The following GLIS3 variants were observed in gnomAD, a reference collection of about 807,000 sequenced individuals.
The protein encoded by GLIS3 is GLIS family zinc finger 3, also known as zinc finger protein GLIS3.
In GLIS3, 53 loss-of-function variants were observed where a neutral mutation model predicts 78.6. That is an observed-to-expected ratio of 0.67 (90% CI 0.54 to 0.85). The LOEUF is 0.85. GLIS3 is among the 40% of genes least tolerant of loss of function. The pLI, the probability that GLIS3 is intolerant of heterozygous loss-of-function variation, is 0.00. For missense variants in GLIS3, 1,703 were observed against 1,231.1 expected, an observed-to-expected ratio of 1.38 and a Z score of -5.74; for synonymous variants, 684 against 509.9, an observed-to-expected ratio of 1.34 and a Z score of -4.60.
chr9:4,455,867 C>G, the GLIS3 span, among the ~76,000 whole-genome samples: 1 of 152,030 alleles, frequency 6.6e-6, no homozygotes, highest in Admixed American at 6.6e-5. Flanking sequence ...AATCCTCACA[C>G]TTTGGAAGAC....
chr9:4,105,796 T>G (rs1476507173), intron 4 of GLIS3, among the ~76,000 whole-genome samples: 1 of 152,088 alleles, frequency 6.6e-6, no homozygotes, highest in African/African-American at 2.4e-5. Context: ...AAAGCCTCAT[T>G]CTATGGGCAC....
chr9:3,926,640 T>C (rs762484734), intron 6 of GLIS3, among the ~76,000 whole-genome samples: 7 of 151,994 alleles, frequency 4.6e-5, no homozygotes, highest in Admixed American at 6.6e-5. Context: ...TTCTTTCTTT[T>C]GTCTTCTCAC....
chr9:4,283,282 T>TC (rs1827719273), intron 2 of GLIS3, among the ~76,000 whole-genome samples: 1 of 144,626 alleles, frequency 6.9e-6, no homozygotes, highest in Non-Finnish European at 1.5e-5. Flanking sequence ...TTTTTTTTTT[T>TC]TGAGATAGAG....
intron 4 of GLIS3, among the ~76,000 whole-genome samples, chr9:4,008,822 C>T (rs774158003): frequency 9.9e-5 from 15 of 152,220 alleles, no homozygotes; most frequent in Non-Finnish European, 5.9e-5. Flanking sequence ...TCTGTTCCAA[C>T]ATCCACCTTT....
At chr9:3,858,849 G>A (rs1228704406) in intron 8 of GLIS3, among the ~76,000 whole-genome samples, 1 of 152,176 alleles carries the variant, frequency 6.6e-6, no homozygotes, top group Non-Finnish European at 1.5e-5. Context: ...TAAGAAGTAA[G>A]TGTATATATA....
At chr9:3,931,191 CCT>C (rs1467446713) in intron 6 of GLIS3, among the ~76,000 whole-genome samples, 2 of 152,046 alleles carry the variant, frequency 1.3e-5, no homozygotes, top group African/African-American at 2.4e-5. Context: ...ATCAAATCCC[CCT>C]GACTGAGCAT....
the GLIS3 span, among the ~76,000 whole-genome samples, chr9:4,489,197 G>A: frequency 6.6e-6 from 1 of 151,976 alleles, no homozygotes; most frequent in South Asian, 2.1e-4. Flanking sequence ...GATCTTCCTC[G>A]GACACCCAAC....
intron 8 of GLIS3, among the ~76,000 whole-genome samples, chr9:3,865,905 C>T (rs1199961628): frequency 6.6e-6 from 1 of 152,110 alleles, no homozygotes; most frequent in Non-Finnish European, 1.5e-5. Flanking sequence ...AAAAATAAAA[C>T]ACAGGTGGAT....
chr9:4,457,487 T>C, the GLIS3 span, among the ~76,000 whole-genome samples: 9 of 152,242 alleles, frequency 5.9e-5, no homozygotes, highest in South Asian at 1.9e-3. Flanking sequence ...TAACACCCTC[T>C]GTGGACTTGT....
At chr9:4,284,528 C>T (rs4272441) in intron 2 of GLIS3, among the ~76,000 whole-genome samples, 151,810 of 152,146 alleles carry the variant, frequency 1, 75,740 homozygotes, top group Middle Eastern at 1. Context: ...GGGAAACTTT[C>T]TCCTATACTT....
chr9:4,040,833 T>G (rs554187456), intron 4 of GLIS3, among the ~76,000 whole-genome samples: 18 of 152,258 alleles, frequency 1.2e-4, no homozygotes, highest in Admixed American at 1.0e-3. Context: ...GTTCTTTAGG[T>G]AAGAGTTGAA....
the GLIS3 span, among the ~76,000 whole-genome samples, chr9:4,416,812 GTTT>G: frequency 2.1e-5 from 2 of 95,804 alleles, no homozygotes; most frequent in Admixed American, 1.3e-4. Flanking sequence ...CCCATAGTCA[GTTT>G]TTTTTTTTTT....
At chr9:3,887,211 G>C (rs1049052193) in intron 7 of GLIS3, among the ~76,000 whole-genome samples, 4 of 152,066 alleles carry the variant, frequency 2.6e-5, no homozygotes, top group African/African-American at 9.7e-5. Flanking sequence ...TTCTCAACTG[G>C]ATCGGGTGGC....
chr9:4,113,108 T>C (rs1831358799), intron 4 of GLIS3, among the ~76,000 whole-genome samples: 1 of 152,078 alleles, frequency 6.6e-6, no homozygotes, highest in South Asian at 2.1e-4. Flanking sequence ...TATACCCTTT[T>C]GCACATATTT....
At chr9:3,986,680 C>A (rs1819764172) in intron 4 of GLIS3, among the ~76,000 whole-genome samples, 1 of 152,230 alleles carries the variant, frequency 6.6e-6, no homozygotes, top group African/African-American at 2.4e-5. Flanking sequence ...ACTGTGAAGC[C>A]CTTTTGCCCC....
chr9:3,936,954 C>A (rs1460699707), intron 5 of GLIS3, 74 bp downstream of exon 5: 1 of 1,577,368 alleles, frequency 6.3e-7, no homozygotes, highest in African/African-American at 1.3e-5. Context: ...AACACTTCAC[C>A]AGCCCACTAT....
intron 2 of GLIS3, among the ~76,000 whole-genome samples, chr9:4,255,694 G>A (rs566171204): frequency 2.0e-5 from 3 of 152,240 alleles, no homozygotes; most frequent in Non-Finnish European, 1.5e-5. Context: ...ATCAGTGGTT[G>A]CCAAGAGCTA....
chr9:4,192,999 G>A (rs1818470735), intron 2 of GLIS3, among the ~76,000 whole-genome samples: 1 of 152,236 alleles, frequency 6.6e-6, no homozygotes, highest in South Asian at 2.1e-4. Context: ...TATGATGCTG[G>A]ACCTGTGATC....
chr9:4,406,752 T>G, the GLIS3 span, among the ~76,000 whole-genome samples: 1 of 152,018 alleles, frequency 6.6e-6, no homozygotes, highest in South Asian at 2.1e-4. Context: ...ACGTGAAAGA[T>G]CTCTTCAATA....
Sources: allele counts gnomAD v4.1 joint callset (sites outside exome capture counted in the v4.1 genomes callset), GRCh38; gene constraint gnomAD v4.1.1; transcripts MANE v1.5; gene names NCBI Gene and HGNC (gene_info 2026-07-23, HGNC 2026-07-21).